LRRC8A: variants seen among roughly 807,000 people sequenced by gnomAD.
The protein encoded by LRRC8A is volume-regulated anion channel subunit LRRC8A.
Under a neutral mutation model 52.5 loss-of-function variants are expected in LRRC8A, and 24 were observed. That is an observed-to-expected ratio of 0.46 (90% CI 0.33 to 0.64). The LOEUF is 0.64. Ranked by LOEUF, LRRC8A falls within the 30% of genes least tolerant of loss-of-function variation. LRRC8A has a pLI of 0.02. For missense variants in LRRC8A, 677 were observed against 1,094.7 expected, an observed-to-expected ratio of 0.62 and a Z score of 5.38; for synonymous variants, 492 against 494.2, an observed-to-expected ratio of 1.00 and a Z score of 0.06.
rs560726929 is a variant in LRRC8A at position 128,892,792 on chromosome 9, C to T, written c.-9+6671C>T. The stretch of plus-strand genomic sequence containing the variant: ...CAGGGCCTGTTGAGAGCGGCCCCTT[C>T]GCGCTCCCTGGGAGAGCACTGGAGG... On this transcript the variant is annotated intron_variant, in intron 2 of 3. Coordinates refer to ENST00000372600, the MANE Select transcript of LRRC8A (RefSeq NM_019594.4). This position sits in a 1 kb window ranked among gnomAD's most constrained non-coding sequence, Gnocchi z 5.2. Among the ~76,000 whole-genome samples, 1 of 152,296 alleles carries T rather than the reference C, an allele frequency of 6.6e-6. No individual in the cohort carries two copies. The highest frequency in any genetic ancestry group is 2.4e-5 in the African/African-American group (1 of 41,572).
Position 128,908,910 on chromosome 9 carries a change from C to G in LRRC8A, c.1746C>G (p.Ile582Met). ...TCAACAATGAGGGCACCAAGCTCAT[C>G]GTCCTCAACAGCCTCAAGAAGATGG... ...LSINNEGTKL[I>M]VLNSLKKMAN... is the part of the protein sequence containing the mutation. Residue 582 changes from isoleucine to methionine, a missense_variant, in exon 3 of 4, where the codon ATC becomes ATG. Physicochemically the swap from Ile to Met is conservative, Grantham distance 10. This residue lies in a region of LRRC8A where 422 missense variants were observed against 741.5 expected (regional missense o/e 0.57). Coordinates refer to ENST00000372600, the MANE Select transcript of LRRC8A (RefSeq NM_019594.4). The G allele has an allele frequency of 6.2e-7, 1 of 1,614,000 alleles. No individual in the cohort carries two copies. Among genetic ancestry groups the G allele is most frequent in the Non-Finnish European group, 8.5e-7 (1 of 1,180,032 alleles).
At position 128,902,464 on chromosome 9, in the gene LRRC8A, G is replaced by A. The variant is rs1205080690; in HGVS notation, c.-8-4693G>A. Among the ~76,000 whole-genome samples, 2 of 152,166 alleles carry A rather than the reference G, an allele frequency of 1.3e-5. No homozygotes were observed. Among genetic ancestry groups the A allele is most frequent in the Non-Finnish European group, 2.9e-5 (2 of 68,040 alleles). On this transcript the variant is annotated intron_variant, in intron 2 of 3. Transcript: ENST00000372600. This position sits in a 1 kb window ranked among gnomAD's most constrained non-coding sequence, Gnocchi z 4.1. Reference sequence around the variant, plus strand: ...CGGGGCTGGGGCGGCTCCTCGCAGAGGAAGCAGGTGTTTCTGTGAGCGAAC... The same window carrying A: ...CGGGGCTGGGGCGGCTCCTCGCAGAAGAAGCAGGTGTTTCTGTGAGCGAAC...
Position 128,902,071 on chromosome 9 carries a change from T to C in LRRC8A, c.-8-5086T>C, listed in dbSNP as rs1472741195. ...CAGCCGGGCCAGGCCTGTGAGAGAC[T>C]CCAGTCCAGGCCCTTCTCAGCTCTG... is the stretch of plus-strand genomic sequence containing the variant. On this transcript the variant is annotated intron_variant, in intron 2 of 3. Transcript: ENST00000372600. This position sits in a 1 kb window ranked among gnomAD's most constrained non-coding sequence, Gnocchi z 4.1. Among the ~76,000 whole-genome samples the C allele has an allele frequency of 6.6e-6, 1 of 152,138 alleles. No homozygotes were observed. The highest frequency in any genetic ancestry group is 2.4e-5 in the African/African-American group (1 of 41,450).
chr9:128,896,424 A>G (rs1313200072), intron 2 of LRRC8A, among the ~76,000 whole-genome samples: 1 of 152,222 alleles, frequency 6.6e-6, no homozygotes, highest in Non-Finnish European at 1.5e-5. Flanking sequence ...GCTTTCTAAG[A>G]TGCATAAATA....
chr9:128,904,401 C>G (rs1840152048), intron 2 of LRRC8A, among the ~76,000 whole-genome samples: 1 of 144,330 alleles, frequency 6.9e-6, no homozygotes, highest in African/African-American at 2.4e-5. Context: ...TGCCTGTAAT[C>G]CAGCTGCTTG....
intron 3 of LRRC8A, among the ~76,000 whole-genome samples, chr9:128,914,860 C>T (rs1353746742): frequency 2.0e-5 from 3 of 152,232 alleles, no homozygotes; most frequent in Non-Finnish European, 4.4e-5. Context: ...ATACGTGAGG[C>T]TCTTCCTGTG....
intron 2 of LRRC8A, among the ~76,000 whole-genome samples, chr9:128,897,530 T>C (rs1013328079): frequency 2.6e-5 from 4 of 151,994 alleles, no homozygotes; most frequent in African/African-American, 7.3e-5. Context: ...TCTTGATCCT[T>C]TGAGATCGTG....
At chr9:128,890,235 G>T (rs555660673) in intron 2 of LRRC8A, among the ~76,000 whole-genome samples, 1 of 151,270 alleles carries the variant, frequency 6.6e-6, no homozygotes, top group South Asian at 2.1e-4. Context: ...TTCTAGAAGG[G>T]CTTTTACTCC....
chr9:128,884,730 C>G (rs568743064), intron 1 of LRRC8A, among the ~76,000 whole-genome samples: 1 of 152,160 alleles, frequency 6.6e-6, no homozygotes, highest in East Asian at 1.9e-4. Context: ...ATTGGACCAC[C>G]CAGCCTCAGT....
chr9:128,911,143 G>C lies in LRRC8A; in HGVS notation c.2157+1822G>C, dbSNP rs1840509606. The stretch of plus-strand genomic sequence containing the variant: ...AGGTGGCCCCTGGAATGCCCTGTCT[G>C]TCCTCCTGGGCCCCAGGACAGGACA... On this transcript the variant is annotated intron_variant, in intron 3 of 3. Transcript: ENST00000372600. This position sits in a 1 kb window ranked among gnomAD's most constrained non-coding sequence, Gnocchi z 4.9. Among the ~76,000 whole-genome samples, 1 of 152,146 alleles carries C rather than the reference G, an allele frequency of 6.6e-6. No individual in the cohort carries two copies. The highest frequency in any genetic ancestry group is 2.4e-5 in the African/African-American group (1 of 41,428).
In LRRC8A at chr9:128,894,279, C is replaced by T. The variant is rs148803663; in HGVS notation, c.-9+8158C>T. Reference sequence around the variant, plus strand: ...CAGGCAGATCACAAGGTCAGTAGATCGAGATCATCCTGGTTAACACGATGA... The same window carrying T: ...CAGGCAGATCACAAGGTCAGTAGATTGAGATCATCCTGGTTAACACGATGA... On this transcript the variant is annotated intron_variant, in intron 2 of 3. Coordinates refer to ENST00000372600, the MANE Select transcript of LRRC8A (RefSeq NM_019594.4). Among the ~76,000 whole-genome samples the T allele has an allele frequency of 7.4e-3, 1,109 of 150,856 alleles. 14 individuals are homozygous for T. Among genetic ancestry groups the T allele is most frequent in the African/African-American group, 0.019 (783 of 41,000 alleles).
At chr9:128,897,010 A>G (rs1457795868) in intron 2 of LRRC8A, among the ~76,000 whole-genome samples, 1 of 151,868 alleles carries the variant, frequency 6.6e-6, no homozygotes, top group Non-Finnish European at 1.5e-5. Flanking sequence ...AGGCGTGAGC[A>G]GTTGTGCCCG....
intron 2 of LRRC8A, among the ~76,000 whole-genome samples, chr9:128,905,400 G>A (rs539976262): frequency 2.0e-5 from 3 of 152,268 alleles, no homozygotes; most frequent in African/African-American, 7.2e-5. Flanking sequence ...AGCCTTGGCC[G>A]TGTGACCACG....
rs1840292191 is a variant in LRRC8A at position 128,907,315 on chromosome 9, A to G, written c.151A>G (p.Lys51Glu). The G allele has an allele frequency of 6.2e-7, 1 of 1,613,980 alleles. No individual in the cohort carries two copies. The part of the protein sequence containing the change: ...FGGTLQVTQD[K>E]MICLPCKWVT... Reference sequence around the variant, plus strand: ...GGGGACGCTGCAGGTCACCCAAGACAAGATGATCTGCCTGCCTTGTAAGTG... The same window carrying G: ...GGGGACGCTGCAGGTCACCCAAGACGAGATGATCTGCCTGCCTTGTAAGTG... The change falls in exon 3 of 4, where the codon AAG becomes GAG. Residue 51 changes from lysine (K) to glutamate (E), a missense_variant. This residue lies in a region of LRRC8A where 32 missense variants were observed against 86.0 expected (regional missense o/e 0.37). Coordinates refer to ENST00000372600, the MANE Select transcript of LRRC8A (RefSeq NM_019594.4). The surrounding 1 kb of genome is among the most constrained non-coding windows in gnomAD (Gnocchi z 9.3).
chr9:128,909,145 C>T lies in LRRC8A; in HGVS notation c.1981C>T (p.Leu661Phe). Residue 661 changes from leucine to phenylalanine, a missense_variant, in exon 3 of 4, where the codon CTC becomes TTC. Around this residue, in one of 4 missense-constraint regions of LRRC8A, gnomAD observed 169 missense variants for 217.6 expected, o/e 0.78. Coordinates refer to ENST00000372600, the MANE Select transcript of LRRC8A (RefSeq NM_019594.4). ...CTACATCCCCATCCAGATCGGCAAC[C>T]TCACCAACCTGGAGCGCCTCTACCT... ...IAYIPIQIGN[L>F]TNLERLYLNR... 6.2e-7 allele frequency: 1 copy of T among 1,614,178 alleles called. No homozygotes were observed.
chr9:128,906,602 C>T (rs574354593), intron 2 of LRRC8A, among the ~76,000 whole-genome samples: 62 of 152,216 alleles, frequency 4.1e-4, no homozygotes, highest in Admixed American at 2.4e-3. Flanking sequence ...GGATTACAGA[C>T]GTGAACCACG....
In LRRC8A at chr9:128,892,764, G is replaced by A. The variant is rs1268265142; in HGVS notation, c.-9+6643G>A. On this transcript the variant is annotated intron_variant, in intron 2 of 3. Coordinates refer to ENST00000372600, the MANE Select transcript of LRRC8A (RefSeq NM_019594.4). The surrounding 1 kb of genome is among the most constrained non-coding windows in gnomAD (Gnocchi z 5.2). ...GATCCACAGGCTTGGAACCCTCCCG[G>A]GACAGGGCCTGTTGAGAGCGGCCCC... Among the ~76,000 whole-genome samples, 1 of 152,188 alleles carries A rather than the reference G, an allele frequency of 6.6e-6. No homozygotes were observed. The highest frequency in any genetic ancestry group is 6.5e-5 in the Admixed American group (1 of 15,278).
intron 2 of LRRC8A, among the ~76,000 whole-genome samples, chr9:128,889,861 G>T (rs925153616): frequency 4.0e-5 from 6 of 151,466 alleles, no homozygotes; most frequent in Non-Finnish European, 8.8e-5. Flanking sequence ...GGAGTGCAAT[G>T]GTGCCATCTT....
At chr9:128,905,204 A>G (rs555747686) in intron 2 of LRRC8A, among the ~76,000 whole-genome samples, 1 of 152,260 alleles carries the variant, frequency 6.6e-6, no homozygotes, top group East Asian at 1.9e-4. Context: ...TATAAAATAC[A>G]CAGAAAGGAC....
Sources: gnomAD v4.1 joint callset for allele counts (sites outside exome capture counted in the v4.1 genomes callset) on GRCh38, gnomAD v4.1.1 for gene constraint, gnomAD v4.1.1 regional missense constraint, Gnocchi (gnomAD v3.1) non-coding constraint, MANE v1.5 for transcripts, NCBI Gene and HGNC (gene_info 2026-07-23, HGNC 2026-07-21) for gene names.